Variants in CNTNAP2 observed in about 807,000 individuals in gnomAD.
CNTNAP2 encodes contactin-associated protein-like 2.
In CNTNAP2, 98 loss-of-function variants were observed where a neutral mutation model predicts 155.2. The observed-to-expected ratio is 0.63, with a 90% confidence interval of 0.54 to 0.75. The LOEUF (loss-of-function observed/expected upper bound fraction) is 0.75, where lower values mean the gene tolerates loss of function less well. Ranked by LOEUF, CNTNAP2 falls within the 30% of genes least tolerant of loss-of-function variation. The pLI is 0.00. For synonymous variants in CNTNAP2, 651 were observed against 631.2 expected, an observed-to-expected ratio of 1.03 and a Z score of -0.47; for missense variants, 1,727 against 1,688.1, an observed-to-expected ratio of 1.02 and a Z score of -0.40.
chr7:146,737,455 A>T (rs1411873847), intron 1 of CNTNAP2, among the ~76,000 whole-genome samples: 1 of 152,108 alleles, frequency 6.6e-6, no homozygotes. Flanking sequence ...CCTGGTAACC[A>T]GCATTTTATT....
Position 148,002,908 on chromosome 7 carries a change from A to C in CNTNAP2, c.2383+24919A>C, listed in dbSNP as rs1343665163. Among the ~76,000 whole-genome samples, 3 of 152,164 alleles carry C rather than the reference A, an allele frequency of 2.0e-5. No individual in the cohort carries two copies. In the East Asian group the frequency reaches 5.8e-4, roughly 29 times the overall value. Reference sequence around the variant, plus strand: ...GAATGGCTACTGTGTAAGTACATAAACATTTAAGTTCATAAATTTGTTTAC... The same window carrying C: ...GAATGGCTACTGTGTAAGTACATAACCATTTAAGTTCATAAATTTGTTTAC... On this transcript the variant is annotated intron_variant, in intron 15 of 23. Transcript: ENST00000361727.
At chr7:147,582,420 C>G (rs1378913140) in intron 12 of CNTNAP2, among the ~76,000 whole-genome samples, 1 of 152,098 alleles carries the variant, frequency 6.6e-6, no homozygotes, top group African/African-American at 2.4e-5. Flanking sequence ...CATTTCAAAT[C>G]TAGCCCAGAG....
chr7:146,547,939 C>T (rs1414895607), intron 1 of CNTNAP2, among the ~76,000 whole-genome samples: 1 of 151,696 alleles, frequency 6.6e-6, no homozygotes, highest in Non-Finnish European at 1.5e-5. Context: ...CATATCCTCA[C>T]AGACACTTGC....
At chr7:147,543,847 A>G (rs2116750021) in intron 11 of CNTNAP2, among the ~76,000 whole-genome samples, 1 of 152,294 alleles carries the variant, frequency 6.6e-6, no homozygotes, top group East Asian at 1.9e-4. Context: ...TCTTTTTATA[A>G]TGGAAACTAA....
At chr7:148,366,982 C>G (rs1227389977) in intron 21 of CNTNAP2, among the ~76,000 whole-genome samples, 2 of 152,180 alleles carry the variant, frequency 1.3e-5, no homozygotes, top group Admixed American at 6.5e-5. Flanking sequence ...CCTGTAGTCC[C>G]AACACTTTGG....
intron 13 of CNTNAP2, among the ~76,000 whole-genome samples, chr7:147,820,226 G>A (rs1322604483): frequency 6.6e-6 from 1 of 151,918 alleles, no homozygotes; most frequent in African/African-American, 2.4e-5. Context: ...TGTCATTATG[G>A]TTTTAATTTG....
intron 22 of CNTNAP2, among the ~76,000 whole-genome samples, chr7:148,397,741 CTTTATAATGATGTGAGCCAGG>C (rs1249182388): frequency 6.6e-6 from 1 of 152,228 alleles, no homozygotes; most frequent in East Asian, 1.9e-4. Context: ...ATCACGCTAT[CTTTATAATGATGTGAGCCAGG>C]CACCAGGGAG....
intron 13 of CNTNAP2, among the ~76,000 whole-genome samples, chr7:147,714,654 C>T (rs1191213624): frequency 6.6e-6 from 1 of 151,874 alleles, no homozygotes; most frequent in Non-Finnish European, 1.5e-5. Flanking sequence ...AGCCATAGAG[C>T]TTATTAATAT....
chr7:146,562,267 A>G (rs984313106), intron 1 of CNTNAP2, among the ~76,000 whole-genome samples: 1 of 152,070 alleles, frequency 6.6e-6, no homozygotes, highest in Non-Finnish European at 1.5e-5. Context: ...CTTTTTGGGA[A>G]AATGATATTA....
chr7:147,795,191 T>C (rs1479838104), intron 13 of CNTNAP2, among the ~76,000 whole-genome samples: 1 of 152,034 alleles, frequency 6.6e-6, no homozygotes, highest in Non-Finnish European at 1.5e-5. Flanking sequence ...GACATGTGTT[T>C]TTCCATCCTG....
intron 1 of CNTNAP2, among the ~76,000 whole-genome samples, chr7:146,243,072 A>G (rs889429431): frequency 2.0e-5 from 3 of 152,060 alleles, no homozygotes; most frequent in Non-Finnish European, 2.9e-5. Flanking sequence ...TCTGTTTTTT[A>G]GTCTTCCTCC....
chr7:148,070,050 A>G (rs947604237), intron 15 of CNTNAP2, among the ~76,000 whole-genome samples: 5 of 152,358 alleles, frequency 3.3e-5, no homozygotes, highest in Admixed American at 1.3e-4. Context: ...CCAAGATCCC[A>G]TAGTTAAAAA....
At chr7:146,412,395 C>T (rs1466442370) in intron 1 of CNTNAP2, among the ~76,000 whole-genome samples, 1 of 152,112 alleles carries the variant, frequency 6.6e-6, no homozygotes, top group African/African-American at 2.4e-5. Flanking sequence ...TAATTTGGGG[C>T]TAGAGACAAG....
intron 15 of CNTNAP2, among the ~76,000 whole-genome samples, chr7:148,053,366 C>A (rs17133865): frequency 6.6e-6 from 1 of 151,874 alleles, no homozygotes; most frequent in Non-Finnish European, 1.5e-5. Context: ...TGCTATCTTA[C>A]CTTTTTAAAT....
chr7:147,951,804 C>A (rs901858945), intron 14 of CNTNAP2, among the ~76,000 whole-genome samples: 2 of 151,942 alleles, frequency 1.3e-5, no homozygotes, highest in African/African-American at 2.4e-5. Context: ...AGCATTAGGA[C>A]AAATACCTAA....
chr7:148,324,529 G>C (rs545604737), intron 21 of CNTNAP2, among the ~76,000 whole-genome samples: 1 of 152,106 alleles, frequency 6.6e-6, no homozygotes, highest in Non-Finnish European at 1.5e-5. Flanking sequence ...CGGGCGCAGC[G>C]GCTCATGCCT....
chr7:147,391,501 G>A (rs895074767), intron 9 of CNTNAP2, among the ~76,000 whole-genome samples: 2 of 152,018 alleles, frequency 1.3e-5, no homozygotes, highest in South Asian at 2.1e-4. Context: ...CTCCAATATA[G>A]TTATCTTAAA....
chr7:147,649,111 T>C (rs1476989141), intron 13 of CNTNAP2, among the ~76,000 whole-genome samples: 3 of 152,202 alleles, frequency 2.0e-5, no homozygotes, highest in Non-Finnish European at 4.4e-5. Flanking sequence ...TAAATTTTAT[T>C]AAGGGTAGCT....
intron 15 of CNTNAP2, among the ~76,000 whole-genome samples, chr7:148,070,493 G>A (rs1803359894): frequency 6.6e-6 from 1 of 152,242 alleles, no homozygotes; most frequent in Non-Finnish European, 1.5e-5. Context: ...GAGGCAGGTG[G>A]ATCACCTGAG....
Sources: gnomAD v4.1 joint callset for allele counts (sites outside exome capture counted in the v4.1 genomes callset) on GRCh38, gnomAD v4.1.1 for gene constraint, MANE v1.5 for transcripts, NCBI Gene and HGNC (gene_info 2026-07-23, HGNC 2026-07-21) for gene names.